The following KIAA1549L variants were observed in gnomAD, a reference collection of about 807,000 sequenced individuals.
KIAA1549L encodes the protein KIAA1549 like.
Under a neutral mutation model 160.7 loss-of-function variants are expected in KIAA1549L, and 88 were observed. The observed-to-expected ratio is 0.55, with a 90% CI of 0.46 to 0.65. KIAA1549L has a LOEUF of 0.65. Among genes scored for constraint, KIAA1549L ranks in the 30% least tolerant of loss-of-function variants. The pLI is 0.00. For synonymous variants in KIAA1549L, 950 were observed against 976.7 expected (o/e 0.97, Z 0.51); for missense variants, 2,258 against 2,437.5 (o/e 0.93, Z 1.55).
At chr11:33,622,719 C>G (rs762930706) in intron 16 of KIAA1549L, among the ~76,000 whole-genome samples, 1 of 152,204 alleles carries the variant, frequency 6.6e-6, no homozygotes, top group Non-Finnish European at 1.5e-5. Context: ...CTGTCCATTA[C>G]CTCCACGGCA....
intron 11 of KIAA1549L, among the ~76,000 whole-genome samples, chr11:33,587,099 G>T (rs2133277696): frequency 6.6e-6 from 1 of 152,198 alleles, no homozygotes; most frequent in African/African-American, 2.4e-5. Flanking sequence ...GTGTTGTGAG[G>T]ATTAAGTTAA....
chr11:33,508,126 A>T (rs774921730), intron 1 of KIAA1549L, among the ~76,000 whole-genome samples: 1 of 152,160 alleles, frequency 6.6e-6, no homozygotes, highest in Non-Finnish European at 1.5e-5. Flanking sequence ...TTAGCTCTCA[A>T]TCAAGATCTT....
intron 1 of KIAA1549L, among the ~76,000 whole-genome samples, chr11:33,444,740 AAG>A (rs199691122): frequency 3.9e-5 from 6 of 152,246 alleles, no homozygotes; most frequent in Non-Finnish European, 7.3e-5. Flanking sequence ...CTCTGCAAAA[AAG>A]AGAGAAATTC....
chr11:33,481,998 A>G (rs1852420586), intron 1 of KIAA1549L, among the ~76,000 whole-genome samples: 1 of 152,192 alleles, frequency 6.6e-6, no homozygotes, highest in Non-Finnish European at 1.5e-5. Flanking sequence ...GCATCACACT[A>G]TTCAGGTTTT....
Position 33,649,527 on chromosome 11 carries a change from A to AAT in KIAA1549L, c.5760+3491_5760+3492insAT, listed in dbSNP as rs142155575. The stretch of plus-strand genomic sequence containing the variant: ...TTGTAAAAAAAAAAAAAAAAAAAAA[A>AAT]GAAGCAGCAGCAGCAGCAGCTTACC... On this transcript the variant is annotated intron_variant, in intron 17 of 20. Coordinates refer to ENST00000658780, the MANE Select transcript of KIAA1549L (RefSeq NM_012194.3). 7.5e-4 allele frequency among the ~76,000 whole-genome samples: 106 copies of AAT among 142,224 alleles called. 4 individuals are homozygous for AAT. The highest frequency in any genetic ancestry group is 1.1e-3 in the Non-Finnish European group (74 of 65,446). The allele number at this position is 142,224 out of a possible 152,430, so 93.3% of individuals were successfully genotyped here.
At chr11:33,380,692 G>A (rs1396406237) in intron 1 of KIAA1549L, among the ~76,000 whole-genome samples, 1 of 152,074 alleles carries the variant, frequency 6.6e-6, no homozygotes, top group East Asian at 1.9e-4. Flanking sequence ...AAAGAACTTT[G>A]TAGGTCTCTA....
intron 16 of KIAA1549L, among the ~76,000 whole-genome samples, chr11:33,622,155 G>A (rs1480496762): frequency 6.6e-6 from 1 of 152,098 alleles, no homozygotes; most frequent in East Asian, 1.9e-4. Flanking sequence ...GCTTCTTTGG[G>A]GAAATGTTTG....
rs1456256899 is a variant in KIAA1549L, at chr11:33,552,246, G to A, written c.3855+5G>A. ...AAAAGCAACTTGACAATTCAGGTAGGGAGGAAGGTGCTTCAGGCTGTGTAG... is the reference window on the plus strand; with the variant it reads ...AAAAGCAACTTGACAATTCAGGTAGAGAGGAAGGTGCTTCAGGCTGTGTAG... On this transcript the variant is annotated splice_donor_5th_base_variant and intron_variant, in intron 6 of 20. Transcript: ENST00000658780. The A allele has an allele frequency of 3.9e-5, 63 of 1,596,282 alleles. No homozygotes were observed. Among genetic ancestry groups the A allele is most frequent in the Non-Finnish European group, 5.2e-5 (61 of 1,171,056 alleles).
rs529717429 is a variant in KIAA1549L at position 33,654,097 on chromosome 11, C to T, written c.5761-1915C>T. Among the ~76,000 whole-genome samples, 17 of 152,128 alleles carry T rather than the reference C, an allele frequency of 1.1e-4. No individual in the cohort carries two copies. In the South Asian group the frequency reaches 1.7e-3, roughly 15 times the overall value. On this transcript the variant is annotated intron_variant, in intron 17 of 20. Coordinates refer to ENST00000658780, the MANE Select transcript of KIAA1549L (RefSeq NM_012194.3). ...AAGCAATTCTCCTGCCTCAGCCTCC[C>T]GAGTAGCTGGGATTACAGGTGCGTG...
chr11:33,473,894 T>C (rs1299080102), intron 1 of KIAA1549L, among the ~76,000 whole-genome samples: 2 of 152,192 alleles, frequency 1.3e-5, no homozygotes, highest in Non-Finnish European at 2.9e-5. Context: ...GGTGGAATAA[T>C]TTATAAGGAA....
chr11:33,460,538 A>G (rs550247611), intron 1 of KIAA1549L, among the ~76,000 whole-genome samples: 79 of 152,232 alleles, frequency 5.2e-4, no homozygotes, highest in Admixed American at 2.4e-3. Context: ...GCCATGTTCA[A>G]TGGTGTCTTT....
At chr11:33,398,785 A>G (rs962036002) in intron 1 of KIAA1549L, among the ~76,000 whole-genome samples, 6 of 152,204 alleles carry the variant, frequency 3.9e-5, no homozygotes, top group African/African-American at 7.2e-5. Context: ...ATTTGTAACC[A>G]TAATTCATCA....
intron 15 of KIAA1549L, among the ~76,000 whole-genome samples, chr11:33,615,153 C>T (rs1469962269): frequency 1.3e-5 from 2 of 152,068 alleles, no homozygotes; most frequent in African/African-American, 2.4e-5. Context: ...ATGACTTACA[C>T]TCAAATCATT....
chr11:33,656,093 G>A lies in KIAA1549L; in HGVS notation c.5842G>A (p.Val1948Ile). 6 of 1,613,370 alleles carry A rather than the reference G, an allele frequency of 3.7e-6. No individual in the cohort carries two copies. The highest frequency in any genetic ancestry group is 5.1e-6 in the Non-Finnish European group (6 of 1,179,424). Reference sequence around the variant, plus strand: ...ACCTCCCCGGACTGGTCCTGTGGCTGTCGCTTCTCTCAGGCGGTAACACGT... The same window carrying A: ...ACCTCCCCGGACTGGTCCTGTGGCTATCGCTTCTCTCAGGCGGTAACACGT... ...PVPPRTGPVAVASLRRSTSDI... is the reference protein window; with the variant it reads ...PVPPRTGPVAIASLRRSTSDI... The change falls in exon 18 of 21, where the codon GTC becomes ATC. Residue 1948 changes from valine to isoleucine, a missense_variant. By Grantham distance (29) the Val-to-Ile change is conservative. Coordinates refer to ENST00000658780, the MANE Select transcript of KIAA1549L (RefSeq NM_012194.3).
At position 33,661,007 on chromosome 11, in the gene KIAA1549L, C is replaced by A. The variant is rs1245077105; in HGVS notation, c.6152C>A (p.Ala2051Glu). Residue 2051 changes from alanine to glutamate, a missense_variant, in exon 20 of 21, where the codon GCA (alanine) becomes GAA (glutamate). Coordinates refer to ENST00000658780, the MANE Select transcript of KIAA1549L (RefSeq NM_012194.3). ...GAGAATGAGCTCCCGAGCCAGTGGGCAGATTCGGTGAGACCCTTGCTCTTC... is the reference window on the plus strand; with the variant it reads ...GAGAATGAGCTCCCGAGCCAGTGGGAAGATTCGGTGAGACCCTTGCTCTTC... ...AGENELPSQW[A>E]DSVPLPGYIE... is the part of the protein sequence containing the mutation. 1.2e-6 allele frequency: 2 copies of A among 1,608,716 alleles called. No homozygotes were observed. Among genetic ancestry groups the A allele is most frequent in the African/African-American group, 2.7e-5 (2 of 74,842 alleles).
At chr11:33,550,017 CAAAA>C (rs1196936525) in intron 4 of KIAA1549L, among the ~76,000 whole-genome samples, 11 of 132,726 alleles carry the variant, frequency 8.3e-5, no homozygotes, top group Non-Finnish European at 1.5e-4. Context: ...AAACAAAAAA[CAAAA>C]AAAACAAACA....
At position 33,545,043 on chromosome 11, in the gene KIAA1549L, A is replaced by G. The variant is rs779554454; in HGVS notation, c.3050A>G (p.His1017Arg). 3 of 1,613,928 alleles carry G rather than the reference A, an allele frequency of 1.9e-6. No homozygotes were observed. The highest frequency in any genetic ancestry group is 2.7e-5 in the African/African-American group (2 of 74,930). The change falls in exon 3 of 21, where the codon CAT (histidine) becomes CGT (arginine). Residue 1017 changes from histidine to arginine, a missense_variant. Around this residue, in one of 6 missense-constraint regions of KIAA1549L, gnomAD observed 1,359 missense variants for 1,546.6 expected, o/e 0.88. Coordinates refer to ENST00000658780, the MANE Select transcript of KIAA1549L (RefSeq NM_012194.3). The part of the protein sequence containing the change: ...TPTYMYARTG[H>R]TTSTHTAMQG... ...ACCTACATGTATGCAAGAACAGGAC[A>G]TACCACGAGCACACATACAGCCATG...
chr11:33,494,117 T>C (rs1418949311), intron 1 of KIAA1549L, among the ~76,000 whole-genome samples: 1 of 152,340 alleles, frequency 6.6e-6, no homozygotes, highest in East Asian at 1.9e-4. Context: ...TCTTGTTGAT[T>C]CTATGGGTTC....
intron 1 of KIAA1549L, among the ~76,000 whole-genome samples, chr11:33,511,430 CT>C (rs903873089): frequency 2.6e-5 from 4 of 152,180 alleles, no homozygotes; most frequent in Admixed American, 2.6e-4. Flanking sequence ...TGTCAAATAT[CT>C]GTAAGTAACT....
Sources: gnomAD v4.1 joint callset for allele counts (sites outside exome capture counted in the v4.1 genomes callset) on GRCh38, gnomAD v4.1.1 for gene constraint, gnomAD v4.1.1 regional missense constraint, MANE v1.5 for transcripts, NCBI Gene and HGNC (gene_info 2026-07-23, HGNC 2026-07-21) for gene names.